The following ZC3H13 variants were observed in gnomAD, a reference collection of about 807,000 sequenced individuals.
ZC3H13 encodes zinc finger CCCH-type containing 13.
In ZC3H13, 64 loss-of-function variants were observed where a neutral mutation model predicts 204.1. The observed-to-expected ratio is 0.31, with a 90% CI of 0.26 to 0.39. The LOEUF (loss-of-function observed/expected upper bound fraction) is 0.39. Ranked by LOEUF, ZC3H13 falls within the 10% of genes least tolerant of loss-of-function variation. ZC3H13 has a pLI of 1.00. For synonymous variants in ZC3H13, 667 were observed against 693.7 expected (o/e 0.96, Z 0.60); for missense variants, 1,833 against 2,082.7 (o/e 0.88, Z 2.33).
chr13:45,998,918 G>A (rs1431154635), intron 8 of ZC3H13, among the ~76,000 whole-genome samples: 2 of 152,016 alleles, frequency 1.3e-5, no homozygotes, highest in East Asian at 1.9e-4. Context: ...GATGCTGTTC[G>A]CTAGCATTTT....
chr13:46,042,728 A>G (rs1011145567), intron 3 of ZC3H13, among the ~76,000 whole-genome samples: 8 of 152,104 alleles, frequency 5.3e-5, no homozygotes, highest in Non-Finnish European at 1.0e-4. Flanking sequence ...ACTGAAAGAT[A>G]TAAGAAGATA....
At chr13:45,959,374 A>G in intron 18 of ZC3H13, 109 bp downstream of exon 18, 1 of 1,158,336 alleles carries the variant, frequency 8.6e-7, no homozygotes, top group South Asian at 2.2e-5. Context: ...AAGATTAGGA[A>G]ACCAAACTCA....
At chr13:46,041,197 G>A (rs1274526133) in intron 4 of ZC3H13, among the ~76,000 whole-genome samples, 3 of 151,998 alleles carry the variant, frequency 2.0e-5, no homozygotes, top group Non-Finnish European at 4.4e-5. Context: ...ACTGATGAGT[G>A]GATAAACAAA....
chr13:46,049,836 A>G (rs1462503357), intron 1 of ZC3H13, among the ~76,000 whole-genome samples: 3 of 152,208 alleles, frequency 2.0e-5, no homozygotes, highest in Non-Finnish European at 2.9e-5. Flanking sequence ...ATAAAAATGT[A>G]AATACTAAAG....
rs1047031841 is a variant in ZC3H13 at position 45,979,958 on chromosome 13, A to G, written c.1767T>C (p.Asn589=). ...RGSQIDSHSS[N]SNYHDSWETR... ...TTTCCCAGCTGTCATGATAGTTGCT[A>G]TTACTACTGTGACTATCAATTTGAG... is the stretch of plus-strand genomic sequence containing the variant. The change falls in exon 11 of 19, where the codon AAT becomes AAC. Residue 589 remains asparagine (N), a synonymous_variant. Coordinates refer to ENST00000679008, the MANE Select transcript of ZC3H13 (RefSeq NM_001330564.2). 1 of 1,611,430 alleles carries G rather than the reference A, an allele frequency of 6.2e-7. No homozygotes were observed. Among genetic ancestry groups the G allele is most frequent in the African/African-American group, 1.3e-5 (1 of 74,770 alleles).
intron 4 of ZC3H13, among the ~76,000 whole-genome samples, chr13:46,035,620 C>T (rs916416847): frequency 2.0e-5 from 3 of 152,210 alleles, no homozygotes; most frequent in Non-Finnish European, 4.4e-5. Flanking sequence ...AAACAAACAA[C>T]ACTCATTTGA....
At chr13:46,008,417 A>G (rs762720926) in intron 7 of ZC3H13, among the ~76,000 whole-genome samples, 1 of 152,082 alleles carries the variant, frequency 6.6e-6, no homozygotes, top group African/African-American at 2.4e-5. Context: ...TTATTATTAA[A>G]TTAACGGTGC....
chr13:46,046,541 G>A (rs952079605), intron 1 of ZC3H13, among the ~76,000 whole-genome samples: 4 of 150,292 alleles, frequency 2.7e-5, no homozygotes, highest in African/African-American at 9.8e-5. Flanking sequence ...GGTGGCGGGC[G>A]CCTGTAGTCC....
At chr13:45,991,271 C>T (rs1195788210) in intron 8 of ZC3H13, among the ~76,000 whole-genome samples, 1 of 152,100 alleles carries the variant, frequency 6.6e-6, no homozygotes, top group Non-Finnish European at 1.5e-5. Context: ...TTCACATATA[C>T]TACCTTTAAA....
chr13:45,993,660 C>T (rs1326800805), intron 8 of ZC3H13, among the ~76,000 whole-genome samples: 1 of 152,142 alleles, frequency 6.6e-6, no homozygotes, highest in Non-Finnish European at 1.5e-5. Flanking sequence ...CAAGATCTTA[C>T]TCGTCTAAAT....
At chr13:45,998,854 A>C (rs1158030185) in intron 8 of ZC3H13, among the ~76,000 whole-genome samples, 1 of 152,112 alleles carries the variant, frequency 6.6e-6, no homozygotes, top group Admixed American at 6.5e-5. Context: ...ACAATGATGA[A>C]GTTTGTCACA....
chr13:45,984,719 C>G (rs1192446881), intron 10 of ZC3H13, among the ~76,000 whole-genome samples: 1 of 152,028 alleles, frequency 6.6e-6, no homozygotes, highest in Non-Finnish European at 1.5e-5. Flanking sequence ...GGGAGAAAAG[C>G]AGGTGGAGGT....
chr13:45,978,550 C>T (rs1388026525), intron 11 of ZC3H13, among the ~76,000 whole-genome samples: 1 of 151,910 alleles, frequency 6.6e-6, no homozygotes, highest in Admixed American at 6.6e-5. Context: ...TTTATCATAC[C>T]TACACTTACA....
chr13:46,044,905 C>A, intron 3 of ZC3H13, 50 bp downstream of exon 3: 1 of 1,337,852 alleles, frequency 7.5e-7, no homozygotes, highest in Non-Finnish European at 1.0e-6. Flanking sequence ...AGATAAATTA[C>A]AAAAGCCATC....
At chr13:46,035,086 T>C (rs2043130499) in intron 4 of ZC3H13, among the ~76,000 whole-genome samples, 1 of 152,180 alleles carries the variant, frequency 6.6e-6, no homozygotes, top group Non-Finnish European at 1.5e-5. Context: ...ATTCCCTTGC[T>C]GTGTGTGCCA....
intron 1 of ZC3H13, among the ~76,000 whole-genome samples, chr13:46,051,188 G>A (rs1163260847): frequency 2.0e-5 from 3 of 152,166 alleles, no homozygotes; most frequent in African/African-American, 7.2e-5. Context: ...TTTTTAGTAT[G>A]TTAAATTCAT....
At chr13:45,958,353 A>G (rs1273027663) in intron 18 of ZC3H13, among the ~76,000 whole-genome samples, 1 of 152,222 alleles carries the variant, frequency 6.6e-6, no homozygotes, top group Non-Finnish European at 1.5e-5. Flanking sequence ...TCATTACTCT[A>G]AACTTTCTAA....
chr13:46,007,701 C>T (rs1221941530), intron 7 of ZC3H13, among the ~76,000 whole-genome samples: 1 of 152,198 alleles, frequency 6.6e-6, no homozygotes, highest in Non-Finnish European at 1.5e-5. Flanking sequence ...ATTCTGAAAT[C>T]ACCAAGATCT....
intron 1 of ZC3H13, 30 bp downstream of exon 1, chr13:46,052,374 G>A: frequency 2.5e-6 from 1 of 396,024 alleles, no homozygotes; most frequent in Non-Finnish European, 4.4e-6. Context: ...GCCTTCCCCA[G>A]ATACCCACAC....
Sources: allele counts gnomAD v4.1 joint callset (sites outside exome capture counted in the v4.1 genomes callset), GRCh38; gene constraint gnomAD v4.1.1; transcripts MANE v1.5; gene names NCBI Gene and HGNC (gene_info 2026-07-23, HGNC 2026-07-21).